Variants in CNTNAP4 observed in about 807,000 individuals in gnomAD.
CNTNAP4 encodes contactin associated protein family member 4.
CNTNAP4 carries 98 observed loss-of-function variants against 148.4 expected under a neutral mutation model. The observed-to-expected ratio is 0.66, with a 90% CI of 0.56 to 0.78. The LOEUF (loss-of-function observed/expected upper bound fraction) is 0.78, where lower values mean the gene tolerates loss of function less well. Ranked by LOEUF, CNTNAP4 falls within the 30% of genes least tolerant of loss-of-function variation. CNTNAP4 has a pLI of 0.00. For synonymous variants in CNTNAP4, 730 were observed against 565.1 expected (o/e 1.29, Z -4.14); for missense variants, 1,935 against 1,565.6 (o/e 1.24, Z -3.98).
chr16:76,551,044 A>G (rs926934605), intron 21 of CNTNAP4, among the ~76,000 whole-genome samples: 4 of 152,142 alleles, frequency 2.6e-5, no homozygotes, highest in Admixed American at 1.3e-4. Context: ...AATACTAAAC[A>G]TTGTATCAGG....
rs66981960 is a variant in CNTNAP4 at position 76,548,295 on chromosome 16, CTTTTTTT to C, written c.3443-4970_3443-4964del. On this transcript the variant is annotated intron_variant, in intron 21 of 23. Transcript: ENST00000611870. ...CCCTGGCTCTCTTGATTCACTGCAC[CTTTTTTT>C]TTTTTTTTTTTTTTTTTGGCAAGCC... 1.1e-3 allele frequency among the ~76,000 whole-genome samples: 104 copies of C among 92,944 alleles called. 1 individual carries two copies. Among genetic ancestry groups the C allele is most frequent in the African/African-American group, 3.9e-3 (95 of 24,560 alleles). 61.0% of individuals were successfully genotyped at this position (92,944 alleles called of 152,430 possible). A position where few individuals can be genotyped will look rare whatever the true frequency, so the allele number is the denominator to read the frequency against.
At chr16:76,398,218 C>T (rs2078280761) in intron 3 of CNTNAP4, among the ~76,000 whole-genome samples, 1 of 151,250 alleles carries the variant, frequency 6.6e-6, no homozygotes, top group East Asian at 2.0e-4. Flanking sequence ...ATGCTGGTAG[C>T]TGATTAGATG....
Position 76,355,340 on chromosome 16 carries a change from T to G in CNTNAP4, c.219T>G (p.Leu73=), listed in dbSNP as rs767676346. The change falls in exon 3 of 24, where the codon CTT becomes CTG. Residue 73 remains leucine (L), a synonymous_variant. Coordinates refer to ENST00000611870, the MANE Select transcript of CNTNAP4 (RefSeq NM_033401.5). The part of the protein sequence containing the change: ...RRDGAGGWSP[L]VSNKYQWLQI... ...AAGGAGCTGGTGGCTGGTCTCCACT[T>G]GTGTCTAACAAATACCAGTGGTTGC... 1 of 1,583,786 alleles carries G rather than the reference T, an allele frequency of 6.3e-7. No homozygotes were observed. The highest frequency in any genetic ancestry group is 1.2e-5 in the South Asian group (1 of 86,532).
chr16:76,516,865 A>G (rs1020797921), intron 15 of CNTNAP4, among the ~76,000 whole-genome samples: 3 of 152,282 alleles, frequency 2.0e-5, no homozygotes, highest in South Asian at 2.1e-4. Flanking sequence ...GGAGTTCGAG[A>G]CCAGCCTGGC....
chr16:76,438,619 C>A (rs2079922469), intron 4 of CNTNAP4, among the ~76,000 whole-genome samples: 1 of 152,010 alleles, frequency 6.6e-6, no homozygotes, highest in Admixed American at 6.6e-5. Context: ...GGTGATCAGC[C>A]AGTAATTCAC....
At chr16:76,495,192 T>A in intron 14 of CNTNAP4, 126 bp downstream of exon 14, 1 of 1,062,504 alleles carries the variant, frequency 9.4e-7, no homozygotes. Flanking sequence ...AAAGGTTTGT[T>A]TTAATGAAAC....
intron 3 of CNTNAP4, among the ~76,000 whole-genome samples, chr16:76,389,290 G>A (rs988305121): frequency 1.6e-4 from 25 of 152,156 alleles, no homozygotes; most frequent in Non-Finnish European, 2.8e-4. Context: ...ATGTATACAC[G>A]TATCAACTAA....
rs1421145941 is a variant in CNTNAP4, at chr16:76,560,672, C to T, written c.*1989C>T. Among the ~76,000 whole-genome samples, 1 of 152,144 alleles carries T rather than the reference C, an allele frequency of 6.6e-6. No individual in the cohort carries two copies. Among genetic ancestry groups the T allele is most frequent in the African/African-American group, 2.4e-5 (1 of 41,422 alleles). On this transcript the variant is annotated 3_prime_UTR_variant, in exon 24 of 24. Coordinates refer to ENST00000611870, the MANE Select transcript of CNTNAP4 (RefSeq NM_033401.5). ...GACTCAACATTATGGCATGGAAATG[C>T]ATTGACACATCCTATGCCATGACTT...
intron 3 of CNTNAP4, among the ~76,000 whole-genome samples, chr16:76,360,012 G>C (rs1013124539): frequency 3.3e-5 from 5 of 152,222 alleles, no homozygotes; most frequent in African/African-American, 1.2e-4. Flanking sequence ...CAATGAATGG[G>C]TTGGTACCAA....
chr16:76,416,974 A>G (rs2079009514), intron 3 of CNTNAP4, among the ~76,000 whole-genome samples: 1 of 151,426 alleles, frequency 6.6e-6, no homozygotes, highest in African/African-American at 2.4e-5. Context: ...TGCTATCCCA[A>G]GTAATCTTCC....
chr16:76,407,837 G>T (rs967162726), intron 3 of CNTNAP4, among the ~76,000 whole-genome samples: 1 of 151,998 alleles, frequency 6.6e-6, no homozygotes, highest in Non-Finnish European at 1.5e-5. Context: ...TTCAAGTTTG[G>T]CTATGGGTGA....
intron 1 of CNTNAP4, among the ~76,000 whole-genome samples, chr16:76,311,618 T>C (rs1002634476): frequency 1.3e-5 from 2 of 152,166 alleles, no homozygotes; most frequent in Non-Finnish European, 2.9e-5. Flanking sequence ...CTAATATGAC[T>C]GAGAAAAGTC....
chr16:76,521,985 C>T lies in CNTNAP4; in HGVS notation c.2537-54C>T, dbSNP rs192419767. The T allele has an allele frequency of 3.0e-4, 457 of 1,507,888 alleles. 1 individual carries two copies. The highest frequency in any genetic ancestry group is 2.6e-3 in the African/African-American group (192 of 72,896). The allele number at this position is 1,507,888 out of a possible 1,614,324, so 93.4% of individuals were successfully genotyped here. On this transcript the variant is annotated intron_variant, in intron 16 of 23. Coordinates refer to ENST00000611870, the MANE Select transcript of CNTNAP4 (RefSeq NM_033401.5). The stretch of plus-strand genomic sequence containing the variant: ...TGTGTTCCTAAGTATATTGGAGACT[C>T]GGCACTTCGCCATAGGAACTCACTA...
chr16:76,497,660 A>G (rs1460193157), intron 14 of CNTNAP4, among the ~76,000 whole-genome samples: 2 of 142,850 alleles, frequency 1.4e-5, no homozygotes, highest in Non-Finnish European at 3.0e-5. Flanking sequence ...ACATAAGGAC[A>G]TGGGGGGGAA....
intron 15 of CNTNAP4, among the ~76,000 whole-genome samples, chr16:76,513,102 A>G (rs1395390518): frequency 2.0e-5 from 3 of 152,138 alleles, no homozygotes; most frequent in Non-Finnish European, 4.4e-5. Context: ...AATTAATAGC[A>G]TGTCTGTGTT....
intron 21 of CNTNAP4, among the ~76,000 whole-genome samples, chr16:76,551,494 A>G (rs1285970854): frequency 1.3e-5 from 2 of 151,838 alleles, no homozygotes; most frequent in Non-Finnish European, 2.9e-5. Flanking sequence ...TAAATAAATA[A>G]AAGCCACTAC....
At chr16:76,521,781 A>C (rs899010083) in intron 16 of CNTNAP4, among the ~76,000 whole-genome samples, 8 of 150,300 alleles carry the variant, frequency 5.3e-5, no homozygotes, top group African/African-American at 2.0e-4. Flanking sequence ...CGATAGGAAA[A>C]ATTAGCTCTG....
chr16:76,493,159 G>T (rs1405515055), intron 13 of CNTNAP4, among the ~76,000 whole-genome samples: 2 of 152,098 alleles, frequency 1.3e-5, no homozygotes, highest in African/African-American at 4.8e-5. Flanking sequence ...GGATTCTGAG[G>T]TCACAATAAG....
intron 2 of CNTNAP4, among the ~76,000 whole-genome samples, chr16:76,317,193 CAGTG>C (rs1328232041): frequency 7.3e-6 from 1 of 137,188 alleles, no homozygotes; most frequent in African/African-American, 2.8e-5. Context: ...AAGTTGGAGA[CAGTG>C]AGCTATGATT....
Sources: allele counts gnomAD v4.1 joint callset (sites outside exome capture counted in the v4.1 genomes callset), GRCh38; gene constraint gnomAD v4.1.1; transcripts MANE v1.5; gene names NCBI Gene and HGNC (gene_info 2026-07-23, HGNC 2026-07-21).